Variants in ENPP3 observed in about 807,000 individuals in gnomAD.
ENPP3 encodes the protein ectonucleotide pyrophosphatase/phosphodiesterase 3.
In ENPP3, 104 loss-of-function variants were observed where a neutral mutation model predicts 117.8. The observed-to-expected ratio is 0.88, with a 90% CI of 0.75 to 1.04. ENPP3 has a LOEUF of 1.04. ENPP3 is among the 50% of genes least tolerant of loss of function. The pLI, the probability that ENPP3 is intolerant of heterozygous loss-of-function variation, is 0.00. For synonymous variants in ENPP3, 380 were observed against 349.9 expected (o/e 1.09, Z -0.96); for missense variants, 1,026 against 1,051.9 (o/e 0.98, Z 0.34).
chr6:131,659,421 C>T (rs1399250943), intron 6 of ENPP3, among the ~76,000 whole-genome samples: 2 of 152,112 alleles, frequency 1.3e-5, no homozygotes, highest in African/African-American at 2.4e-5. Context: ...CTTTCTTCTC[C>T]CTCCTCCGAG....
intron 21 of ENPP3, among the ~76,000 whole-genome samples, chr6:131,734,442 T>G (rs1780352141): frequency 6.6e-6 from 1 of 152,146 alleles, no homozygotes; most frequent in Non-Finnish European, 1.5e-5. Context: ...GATTTGTAAT[T>G]TAAAGATTCC....
intron 15 of ENPP3, among the ~76,000 whole-genome samples, chr6:131,698,391 C>T (rs1300339420): frequency 8.0e-6 from 1 of 124,520 alleles, no homozygotes; most frequent in Non-Finnish European, 1.7e-5. Flanking sequence ...AGAAGATTTG[C>T]TGTCTAAGAT....
chr6:131,727,826 A>C (rs1372383552), intron 20 of ENPP3, among the ~76,000 whole-genome samples: 1 of 152,220 alleles, frequency 6.6e-6, no homozygotes, highest in Non-Finnish European at 1.5e-5. Context: ...TTAGATCCAG[A>C]GACTGATGAC....
chr6:131,658,072 T>G (rs1273201677), intron 5 of ENPP3, among the ~76,000 whole-genome samples: 4 of 151,166 alleles, frequency 2.6e-5, no homozygotes, highest in Non-Finnish European at 4.4e-5. Flanking sequence ...GAGAATCACT[T>G]GAACCCAGGA....
intron 20 of ENPP3, among the ~76,000 whole-genome samples, chr6:131,728,044 C>T (rs9483333): frequency 6.6e-6 from 1 of 152,172 alleles, no homozygotes; most frequent in Non-Finnish European, 1.5e-5. Context: ...TCACTGGTAA[C>T]AGTACTAATG....
At chr6:131,730,914 C>CAAAAAA (rs528990087) in intron 20 of ENPP3, among the ~76,000 whole-genome samples, 1 of 98,128 alleles carries the variant, frequency 1.0e-5, no homozygotes, top group African/African-American at 3.4e-5. Flanking sequence ...GACTCCATCT[C>CAAAAAA]AAAAAAAAAA....
chr6:131,697,892 G>T lies in ENPP3; in HGVS notation c.1412+4268G>T, dbSNP rs574044878. On this transcript the variant is annotated intron_variant, in intron 15 of 24. Transcript: ENST00000357639. Reference sequence around the variant, plus strand: ...ACAGGGAAGCCTGTTAGAAAGGTATGTAGTGACCCATTCAGCCCCAAGGGA... The same window carrying T: ...ACAGGGAAGCCTGTTAGAAAGGTATTTAGTGACCCATTCAGCCCCAAGGGA... Among the ~76,000 whole-genome samples the T allele has an allele frequency of 2.6e-5, 4 of 152,292 alleles. No individual in the cohort carries two copies. In the East Asian group the frequency reaches 7.7e-4, roughly 29 times the overall value.
chr6:131,717,303 G>A (rs1194489251), intron 15 of ENPP3, among the ~76,000 whole-genome samples: 1 of 149,638 alleles, frequency 6.7e-6, no homozygotes, highest in Non-Finnish European at 1.5e-5. Context: ...TTACTGTCCT[G>A]TTGTTAGTCG....
In ENPP3 at chr6:131,719,649, A is replaced by G. The variant is rs142160729; in HGVS notation, c.1480-643A>G. On this transcript the variant is annotated intron_variant, in intron 16 of 24. Transcript: ENST00000357639. ...ATTGTCTTAATATATGTATGTATATATACACCCACACCTGTTACCAAAACA... is the reference window on the plus strand; with the variant it reads ...ATTGTCTTAATATATGTATGTATATGTACACCCACACCTGTTACCAAAACA... Among the ~76,000 whole-genome samples the G allele has an allele frequency of 7.2e-3, 1,102 of 152,216 alleles. 17 individuals are homozygous for G. The highest frequency in any genetic ancestry group is 0.025 in the African/African-American group (1,041 of 41,550).
intron 15 of ENPP3, among the ~76,000 whole-genome samples, chr6:131,695,687 G>A (rs576175450): frequency 6.1e-4 from 93 of 152,006 alleles, no homozygotes; most frequent in African/African-American, 2.2e-3. Context: ...AGGCTGAGGC[G>A]GGCAGATCAC....
intron 14 of ENPP3, among the ~76,000 whole-genome samples, chr6:131,688,333 A>C (rs1468735779): frequency 1.3e-5 from 2 of 152,234 alleles, no homozygotes; most frequent in Non-Finnish European, 2.9e-5. Context: ...TAGTAATGCT[A>C]CAATGGCTTC....
intron 15 of ENPP3, among the ~76,000 whole-genome samples, chr6:131,696,115 T>C (rs73779862): frequency 0.01 from 1,551 of 152,312 alleles, 21 homozygotes; most frequent in African/African-American, 0.032. Flanking sequence ...TTCATCATCA[T>C]CATCTTTATT....
chr6:131,671,830 G>A (rs1309795712), intron 7 of ENPP3, among the ~76,000 whole-genome samples: 1 of 152,182 alleles, frequency 6.6e-6, no homozygotes, highest in Non-Finnish European at 1.5e-5. Flanking sequence ...TGTGTGAAAA[G>A]TGTATAAAAA....
At chr6:131,680,701 G>T (rs1779005572) in intron 11 of ENPP3, among the ~76,000 whole-genome samples, 1 of 152,118 alleles carries the variant, frequency 6.6e-6, no homozygotes, top group Non-Finnish European at 1.5e-5. Flanking sequence ...ACAGTAAAAA[G>T]GCGATTTTAG....
chr6:131,646,417 C>A (rs1362912475), intron 2 of ENPP3, among the ~76,000 whole-genome samples: 3 of 151,944 alleles, frequency 2.0e-5, no homozygotes, highest in Non-Finnish European at 2.9e-5. Flanking sequence ...ATCCTGCTAT[C>A]CTCAAATGTC....
At chr6:131,737,632 G>T (rs1780427235) in intron 22 of ENPP3, among the ~76,000 whole-genome samples, 200 bp downstream of exon 22, 1 of 152,028 alleles carries the variant, frequency 6.6e-6, no homozygotes, top group African/African-American at 2.4e-5. Flanking sequence ...CTTGTTGCTA[G>T]AATTCTGATA....
intron 20 of ENPP3, among the ~76,000 whole-genome samples, chr6:131,730,374 ACT>A (rs1174822774): frequency 6.6e-6 from 1 of 152,258 alleles, no homozygotes; most frequent in African/African-American, 2.4e-5. Context: ...AGCTTTCCAG[ACT>A]CTGCCACCTG....
chr6:131,744,834 C>G (rs1253625850), intron 24 of ENPP3, among the ~76,000 whole-genome samples: 1 of 144,520 alleles, frequency 6.9e-6, no homozygotes, highest in African/African-American at 2.6e-5. Flanking sequence ...CACACACACA[C>G]ATATAAATAT....
chr6:131,726,188 A>C lies in ENPP3; in HGVS notation c.1941A>C (p.Thr647=). 6.2e-7 allele frequency: 1 copy of C among 1,613,268 alleles called. No individual in the cohort carries two copies. The highest frequency in any genetic ancestry group is 1.1e-5 in the South Asian group (1 of 90,918). The change falls in exon 20 of 25, where the codon ACA becomes ACC. Residue 647 remains threonine (T), a synonymous_variant. Coordinates refer to ENST00000357639, the MANE Select transcript of ENPP3 (RefSeq NM_005021.5). ...AMRMPMWSSY[T]VPQLGDTSPL... ...GGATGCCCATGTGGAGTTCATACAC[A>C]GTCCCCCAGTTGGTAAGTTCCTGAG... is the stretch of plus-strand genomic sequence containing the variant.
Sources: allele counts gnomAD v4.1 joint callset (sites outside exome capture counted in the v4.1 genomes callset), GRCh38; gene constraint gnomAD v4.1.1; transcripts MANE v1.5; gene names NCBI Gene and HGNC (gene_info 2026-07-23, HGNC 2026-07-21).